The following MPPED2 variants were observed in gnomAD, a reference collection of about 807,000 sequenced individuals.
The protein encoded by MPPED2 is metallophosphoesterase domain containing 2.
MPPED2 carries 5 observed loss-of-function variants against 33.0 expected under a neutral mutation model. That is an observed-to-expected ratio of 0.15 (90% CI 0.08 to 0.32). The LOEUF is 0.32. MPPED2 is among the 10% of genes least tolerant of loss of function. MPPED2 has a pLI of 1.00. For synonymous variants in MPPED2, 136 were observed against 141.9 expected (o/e 0.96, Z 0.29); for missense variants, 275 against 372.1 (o/e 0.74, Z 2.15).
chr11:30,581,746 G>C (rs1288836765), intron 1 of MPPED2, among the ~76,000 whole-genome samples: 3 of 152,108 alleles, frequency 2.0e-5, no homozygotes, highest in Admixed American at 2.0e-4. Context: ...ATGCTAGCTG[G>C]GCTAAGAAAT....
chr11:30,468,227 T>TAC (rs1491560438), intron 4 of MPPED2, among the ~76,000 whole-genome samples: 1,549 of 101,158 alleles, frequency 0.015, 29 homozygotes, highest in African/African-American at 0.049. Flanking sequence ...TATGGCATAC[T>TAC]ATACACACAC....
At chr11:30,500,078 C>T (rs1467087781) in intron 3 of MPPED2, among the ~76,000 whole-genome samples, 3 of 152,182 alleles carry the variant, frequency 2.0e-5, no homozygotes, top group Non-Finnish European at 2.9e-5. Flanking sequence ...TAACAATGTA[C>T]AGCCAAATGG....
At chr11:30,498,068 GTT>G in intron 3 of MPPED2, among the ~76,000 whole-genome samples, 1 of 147,750 alleles carries the variant, frequency 6.8e-6, no homozygotes, top group African/African-American at 2.5e-5. Flanking sequence ...CATTTTCGTT[GTT>G]TTTTTTTTTC....
intron 4 of MPPED2, among the ~76,000 whole-genome samples, chr11:30,485,547 C>T (rs752364710): frequency 5.0e-5 from 7 of 141,190 alleles, no homozygotes; most frequent in East Asian, 2.1e-4. Flanking sequence ...CCAAACCCCG[C>T]GGAGCTCTAT....
At chr11:30,393,050 C>T (rs940516194) in intron 6 of MPPED2, among the ~76,000 whole-genome samples, 2 of 152,272 alleles carry the variant, frequency 1.3e-5, no homozygotes, top group African/African-American at 2.4e-5. Flanking sequence ...AACATTCACT[C>T]CTTGTATTTG....
chr11:30,433,350 C>A (rs1385002791), intron 4 of MPPED2, among the ~76,000 whole-genome samples: 4 of 152,164 alleles, frequency 2.6e-5, no homozygotes, highest in Non-Finnish European at 5.9e-5. Flanking sequence ...AATTCTGTTT[C>A]ACTTTTTTAA....
chr11:30,441,054 A>C (rs1295187525), intron 4 of MPPED2, among the ~76,000 whole-genome samples: 1 of 152,168 alleles, frequency 6.6e-6, no homozygotes, highest in Non-Finnish European at 1.5e-5. Context: ...GCAAATCTCA[A>C]ACCAATCCAT....
At chr11:30,495,019 G>A (rs1013536261) in intron 4 of MPPED2, 6 of 368,076 alleles carry the variant, frequency 1.6e-5, no homozygotes, top group African/African-American at 1.2e-4. Context: ...ATCAGTGGGA[G>A]GTCCTGGACC....
At chr11:30,575,168 T>G (rs1371643759) in intron 2 of MPPED2, among the ~76,000 whole-genome samples, 1 of 152,184 alleles carries the variant, frequency 6.6e-6, no homozygotes, top group Admixed American at 6.5e-5. Flanking sequence ...TACAGATTTT[T>G]TTTTTAACTA....
intron 4 of MPPED2, among the ~76,000 whole-genome samples, chr11:30,473,150 C>T (rs950982152): frequency 2.6e-5 from 4 of 152,026 alleles, no homozygotes; most frequent in Admixed American, 6.6e-5. Flanking sequence ...ATTTGTAAAC[C>T]ATTCCCTTGG....
At chr11:30,434,636 G>A (rs1006194160) in intron 4 of MPPED2, among the ~76,000 whole-genome samples, 3 of 152,050 alleles carry the variant, frequency 2.0e-5, no homozygotes, top group African/African-American at 7.3e-5. Flanking sequence ...CAGAGTACAC[G>A]GAGATAACAC....
chr11:30,486,913 C>T (rs773984106), intron 4 of MPPED2, among the ~76,000 whole-genome samples: 6 of 152,174 alleles, frequency 3.9e-5, no homozygotes, highest in Non-Finnish European at 7.4e-5. Flanking sequence ...ATTGGAAATA[C>T]TTTCTTTCCT....
At chr11:30,504,016 G>A (rs1203946250) in intron 3 of MPPED2, among the ~76,000 whole-genome samples, 1 of 152,164 alleles carries the variant, frequency 6.6e-6, no homozygotes, top group African/African-American at 2.4e-5. Flanking sequence ...TCACAGGACT[G>A]TTTCTAAATA....
At chr11:30,483,960 C>A (rs1226055373) in intron 4 of MPPED2, among the ~76,000 whole-genome samples, 3 of 152,184 alleles carry the variant, frequency 2.0e-5, no homozygotes, top group African/African-American at 7.2e-5. Flanking sequence ...TATATGCAAT[C>A]ATTTTGTACA....
chr11:30,560,851 C>A (rs75365573), intron 2 of MPPED2, among the ~76,000 whole-genome samples: 22 of 152,224 alleles, frequency 1.4e-4, no homozygotes, highest in Admixed American at 7.9e-4. Context: ...TGCTACCCCC[C>A]ACCTGGTGTG....
chr11:30,447,705 G>A (rs950430880), intron 4 of MPPED2, among the ~76,000 whole-genome samples: 1 of 152,128 alleles, frequency 6.6e-6, no homozygotes. Flanking sequence ...AGTTAAACAG[G>A]GGCAAGTAAG....
At chr11:30,426,620 T>G (rs1948850226) in intron 4 of MPPED2, among the ~76,000 whole-genome samples, 2 of 152,208 alleles carry the variant, frequency 1.3e-5, no homozygotes, top group African/African-American at 4.8e-5. Flanking sequence ...TGGCAGGTGC[T>G]GAGAAAATGA....
At chr11:30,461,305 A>C (rs1237469593) in intron 4 of MPPED2, among the ~76,000 whole-genome samples, 1 of 152,220 alleles carries the variant, frequency 6.6e-6, no homozygotes, top group Non-Finnish European at 1.5e-5. Context: ...TGATGGTTGC[A>C]CAACAATGTG....
rs373639771 is a variant in MPPED2, at chr11:30,535,976, A to G, written c.310+18T>C. 17 of 1,574,268 alleles carry G rather than the reference A, an allele frequency of 1.1e-5. No homozygotes were observed. Among genetic ancestry groups the G allele is most frequent in the Non-Finnish European group, 1.4e-5 (16 of 1,161,806 alleles). ...GGGAAAGGTTAATTGGGGCCGCCAGAACGCAATCATTCCTTACCTAACCAG... is the reference window on the plus strand; with the variant it reads ...GGGAAAGGTTAATTGGGGCCGCCAGGACGCAATCATTCCTTACCTAACCAG... On this transcript the variant is annotated intron_variant, in intron 3 of 6. Transcript: ENST00000358117.
Sources: gnomAD v4.1 joint callset for allele counts (sites outside exome capture counted in the v4.1 genomes callset) on GRCh38, gnomAD v4.1.1 for gene constraint, MANE v1.5 for transcripts, NCBI Gene and HGNC (gene_info 2026-07-23, HGNC 2026-07-21) for gene names.